The following CSMD1 variants were observed in gnomAD, a reference collection of about 807,000 sequenced individuals.
CSMD1 encodes the protein CUB and Sushi multiple domains 1.
Under a neutral mutation model 417.5 loss-of-function variants are expected in CSMD1, and 213 were observed. That is an observed-to-expected ratio of 0.51 (90% confidence interval 0.46 to 0.57). The LOEUF (loss-of-function observed/expected upper bound fraction) is 0.57. Ranked by LOEUF, CSMD1 falls within the 20% of genes least tolerant of loss-of-function variation. The pLI, the probability that CSMD1 is intolerant of heterozygous loss-of-function variation, is 0.00. For synonymous variants in CSMD1, 2,862 were observed against 1,736.8 expected, an observed-to-expected ratio of 1.65 and a Z score of -16.11; for missense variants, 6,923 against 4,529.7, an observed-to-expected ratio of 1.53 and a Z score of -15.17.
intron 7 of CSMD1, among the ~76,000 whole-genome samples, chr8:3,678,637 C>G (rs1354652006): frequency 1.3e-5 from 2 of 152,160 alleles, no homozygotes; most frequent in Non-Finnish European, 2.9e-5. Context: ...AGGAAAACTT[C>G]CCCAACCTAG....
chr8:3,754,087 G>C (rs769724132), intron 5 of CSMD1, 45 bp from the exon 6 acceptor site: 7 of 1,308,608 alleles, frequency 5.3e-6, no homozygotes, highest in Admixed American at 3.6e-5. Flanking sequence ...TAAACCAACA[G>C]AGCAAATGTC....
chr8:4,776,521 G>C (rs1427018626), intron 1 of CSMD1, among the ~76,000 whole-genome samples: 1 of 152,118 alleles, frequency 6.6e-6, no homozygotes, highest in Non-Finnish European at 1.5e-5. Flanking sequence ...GGCCCCATAG[G>C]AATGGTGGCA....
At chr8:3,005,160 C>A (rs992620502) in intron 52 of CSMD1, among the ~76,000 whole-genome samples, 1 of 152,054 alleles carries the variant, frequency 6.6e-6, no homozygotes, top group African/African-American at 2.4e-5. Flanking sequence ...AAAACAATAA[C>A]AATAATACGG....
chr8:4,720,355 C>T (rs1808973410), intron 1 of CSMD1, among the ~76,000 whole-genome samples: 1 of 152,100 alleles, frequency 6.6e-6, no homozygotes, highest in Non-Finnish European at 1.5e-5. Context: ...CATGTATTAT[C>T]TCAAGGAAAA....
chr8:3,968,958 G>C (rs755693331), intron 5 of CSMD1, among the ~76,000 whole-genome samples: 4 of 152,112 alleles, frequency 2.6e-5, no homozygotes, highest in Admixed American at 1.3e-4. Flanking sequence ...TCTTTACTAA[G>C]ACCTAATGCA....
At chr8:3,199,348 T>C (rs767027222) in intron 33 of CSMD1, among the ~76,000 whole-genome samples, 1 of 152,162 alleles carries the variant, frequency 6.6e-6, no homozygotes, top group African/African-American at 2.4e-5. Context: ...TTTAAACATA[T>C]TTCCTATATT....
intron 1 of CSMD1, among the ~76,000 whole-genome samples, chr8:4,652,272 T>C (rs924692302): frequency 2.6e-5 from 4 of 152,196 alleles, no homozygotes; most frequent in African/African-American, 7.2e-5. Context: ...CAGTCTCATT[T>C]ATACTTCGAG....
chr8:3,467,251 T>C (rs1816838064), intron 12 of CSMD1, among the ~76,000 whole-genome samples: 1 of 152,220 alleles, frequency 6.6e-6, no homozygotes, highest in Non-Finnish European at 1.5e-5. Context: ...CTATTCCTGG[T>C]ACCATAAACC....
chr8:3,995,634 C>A (rs959765589), intron 5 of CSMD1, among the ~76,000 whole-genome samples: 1 of 152,170 alleles, frequency 6.6e-6, no homozygotes, highest in Non-Finnish European at 1.5e-5. Context: ...CATCTCTTGT[C>A]CTCTGCATAT....
intron 2 of CSMD1, among the ~76,000 whole-genome samples, chr8:4,506,537 C>T (rs184279295): frequency 4.6e-4 from 70 of 152,198 alleles, no homozygotes; most frequent in Admixed American, 3.4e-3. Flanking sequence ...ATGGGAGGAC[C>T]CAGTGGAAGG....
At chr8:3,781,098 T>G (rs1006172813) in intron 5 of CSMD1, among the ~76,000 whole-genome samples, 122 of 152,262 alleles carry the variant, frequency 8.0e-4, no homozygotes, top group African/African-American at 2.9e-3. Flanking sequence ...CACTGCAAAC[T>G]GTTTCAAGAA....
At chr8:3,371,807 G>A (rs922514727) in intron 18 of CSMD1, among the ~76,000 whole-genome samples, 1 of 152,090 alleles carries the variant, frequency 6.6e-6, no homozygotes, top group South Asian at 2.1e-4. Flanking sequence ...ATAATTTCTA[G>A]AATATTTTAA....
intron 11 of CSMD1, among the ~76,000 whole-genome samples, chr8:3,492,945 T>A (rs934207803): frequency 2.0e-5 from 3 of 152,000 alleles, no homozygotes; most frequent in Non-Finnish European, 4.4e-5. Flanking sequence ...CATCTGTACC[T>A]CTTTAAAAAC....
chr8:3,217,484 T>A (rs17079637), intron 29 of CSMD1, among the ~76,000 whole-genome samples: 9,910 of 152,276 alleles, frequency 0.065, 391 homozygotes, highest in East Asian at 0.15. Context: ...CAGTGTACAT[T>A]CTCACAATTA....
intron 1 of CSMD1, among the ~76,000 whole-genome samples, chr8:4,770,432 A>G (rs1000444787): frequency 1.3e-5 from 2 of 150,526 alleles, no homozygotes; most frequent in African/African-American, 4.9e-5. Context: ...TCAAAATCCC[A>G]ATAGCATTCT....
At chr8:4,479,824 C>T (rs986336317) in intron 2 of CSMD1, among the ~76,000 whole-genome samples, 7 of 151,754 alleles carry the variant, frequency 4.6e-5, no homozygotes, top group Admixed American at 2.0e-4. Flanking sequence ...ATTAGCCAGG[C>T]GTGGTGGCGC....
intron 1 of CSMD1, among the ~76,000 whole-genome samples, chr8:4,882,624 C>G (rs1319015831): frequency 6.6e-6 from 1 of 151,914 alleles, no homozygotes; most frequent in African/African-American, 2.4e-5. Flanking sequence ...ATTCAACTAT[C>G]CACCGGGTTT....
intron 12 of CSMD1, among the ~76,000 whole-genome samples, chr8:3,463,025 GA>G (rs529090808): frequency 7.2e-4 from 109 of 152,208 alleles, no homozygotes; most frequent in Non-Finnish European, 1.3e-3. Flanking sequence ...CGCCATCTAT[GA>G]ACCAGGAAAC....
intron 23 of CSMD1, among the ~76,000 whole-genome samples, chr8:3,339,667 C>G (rs1481000036): frequency 6.6e-6 from 1 of 152,196 alleles, no homozygotes; most frequent in Non-Finnish European, 1.5e-5. Context: ...GAAACTCTTA[C>G]TTCTTGCCTG....
Sources: gnomAD v4.1 joint callset for allele counts (sites outside exome capture counted in the v4.1 genomes callset) on GRCh38, gnomAD v4.1.1 for gene constraint, MANE v1.5 for transcripts, NCBI Gene and HGNC (gene_info 2026-07-23, HGNC 2026-07-21) for gene names.